UPB1: variants seen among roughly 807,000 people sequenced by gnomAD.
UPB1 encodes the protein beta-ureidopropionase 1.
UPB1 carries 40 observed loss-of-function variants against 49.1 expected under a neutral mutation model. The observed-to-expected ratio is 0.81, with a 90% confidence interval of 0.63 to 1.06. The LOEUF is 1.06. UPB1 is among the 50% of genes least tolerant of loss of function. The probability of loss-of-function intolerance (pLI) is 0.00; values close to 1 mark genes in which losing one functional copy is unlikely to be tolerated. For missense variants in UPB1, 499 were observed against 505.9 expected (o/e 0.99, Z 0.13); for synonymous variants, 207 against 198.2 (o/e 1.04, Z -0.38).
Position 24,502,061 on chromosome 22 carries a change from A to G in UPB1, c.277-65A>G, listed in dbSNP as rs2044002549. The G allele has an allele frequency of 3.2e-6, 5 of 1,543,748 alleles. No individual in the cohort carries two copies. The Admixed American group carries it at 8.3e-5, about 26-fold the overall frequency. ...CATTGATTTTTCCATATGCATTAGGATGAGATCCTAAAAATTGCCTTACCA... is the reference window on the plus strand; with the variant it reads ...CATTGATTTTTCCATATGCATTAGGGTGAGATCCTAAAAATTGCCTTACCA... On this transcript the variant is annotated intron_variant, in intron 2 of 9. Coordinates refer to ENST00000326010, the MANE Select transcript of UPB1 (RefSeq NM_016327.3).
intron 7 of UPB1, among the ~76,000 whole-genome samples, 165 bp from the exon 8 acceptor site, chr22:24,521,821 G>A (rs900099640): frequency 6.6e-6 from 1 of 152,186 alleles, no homozygotes; most frequent in Non-Finnish European, 1.5e-5. Flanking sequence ...TGTTTAATAA[G>A]CACTTAATTG....
intron 2 of UPB1, among the ~76,000 whole-genome samples, chr22:24,500,644 AC>A (rs2043979209): frequency 6.6e-6 from 1 of 152,166 alleles, no homozygotes; most frequent in Non-Finnish European, 1.5e-5. Context: ...GCTGGTTGGG[AC>A]CGTCTGTCCG....
intron 8 of UPB1, 48 bp from the exon 9 acceptor site, chr22:24,523,571 C>T: frequency 1.2e-6 from 2 of 1,612,422 alleles, no homozygotes; most frequent in Non-Finnish European, 1.7e-6. Context: ...GTGGAGCCCA[C>T]AGTGCATCTA....
intron 9 of UPB1, among the ~76,000 whole-genome samples, chr22:24,524,148 C>A (rs962937491): frequency 6.6e-6 from 1 of 152,180 alleles, no homozygotes; most frequent in African/African-American, 2.4e-5. Context: ...CTGCTTGTGG[C>A]CAGTCCCTGC....
chr22:24,528,385 A>C lies in UPB1; in HGVS notation c.*2591A>C, dbSNP rs2044497943. On this transcript the variant is annotated 3_prime_UTR_variant, in exon 10 of 10. Coordinates refer to ENST00000326010, the MANE Select transcript of UPB1 (RefSeq NM_016327.3). ...CATGCAGATGCTCAGTAAACATTTG[A>C]ATGAATCTGTGGTGGAGGTTTTTGC... is the stretch of plus-strand genomic sequence containing the variant. 6.6e-6 allele frequency: 1 copy of C among 152,266 alleles called. No individual in the cohort carries two copies. The highest frequency in any genetic ancestry group is 6.5e-5 in the Admixed American group (1 of 15,278). 9.4% of individuals were successfully genotyped at this position (152,266 alleles called of 1,614,324 possible).
intron 7 of UPB1, 99 bp downstream of exon 7, chr22:24,520,567 CG>C: frequency 7.4e-7 from 1 of 1,354,656 alleles, no homozygotes; most frequent in South Asian, 1.2e-5. Flanking sequence ...TCCTAGGGTC[CG>C]GAAAGGGGTA....
In UPB1 at chr22:24,517,050, G is replaced by A. The variant is rs188997761; in HGVS notation, c.791+1680G>A. Among the ~76,000 whole-genome samples the A allele has an allele frequency of 2.6e-3, 390 of 152,284 alleles. 2 individuals carry two copies. The highest frequency in any genetic ancestry group is 2.3e-3 in the Non-Finnish European group (154 of 68,022). ...AATTTCAGTTGAATTTCTTCTAAAC[G>A]TCAGGGTGTGACATTTACCTTTTCT... On this transcript the variant is annotated intron_variant, in intron 6 of 9. Transcript: ENST00000326010.
At chr22:24,502,468 C>G (rs573176249) in intron 3 of UPB1, 8 of 780,948 alleles carry the variant, frequency 1.0e-5, no homozygotes, top group African/African-American at 1.0e-4. Flanking sequence ...CCACCTGGTC[C>G]AAGCCCCTGG....
At chr22:24,517,453 C>T (rs1181484111) in intron 6 of UPB1, among the ~76,000 whole-genome samples, 1 of 152,238 alleles carries the variant, frequency 6.6e-6, no homozygotes, top group African/African-American at 2.4e-5. Context: ...CAAGCTCCAT[C>T]TTCCCACTGG....
At position 24,504,904 on chromosome 22, in the gene UPB1, ATTTTTTT is replaced by A. The variant is rs56198043; in HGVS notation, c.364+2706_364+2712del. Among the ~76,000 whole-genome samples the A allele has an allele frequency of 8.5e-3, 926 of 109,388 alleles. 11 individuals are homozygous for A. The highest frequency in any genetic ancestry group is 0.029 in the African/African-American group (834 of 28,820). 71.8% of individuals were successfully genotyped at this position (109,388 alleles called of 152,430 possible). On this transcript the variant is annotated intron_variant, in intron 3 of 9. Transcript: ENST00000326010. ...CACCACACCTGGCTAATTTTCTTGA[ATTTTTTT>A]TTTTTTTTTTTTTTGTAAAGATGAG...
At chr22:24,502,574 C>A (rs752980633) in intron 3 of UPB1, 33 of 768,480 alleles carry the variant, frequency 4.3e-5, no homozygotes, top group Admixed American at 1.1e-4. Flanking sequence ...CAGAGCCAGC[C>A]CCCCCATCTA....
chr22:24,500,426 C>A, intron 2 of UPB1, 148 bp downstream of exon 2: 1 of 959,200 alleles, frequency 1.0e-6, no homozygotes, highest in Non-Finnish European at 1.6e-6. Flanking sequence ...CCCTGGCCTC[C>A]CCACATCCCT....
At chr22:24,497,388 C>T (rs1368917137) in intron 1 of UPB1, among the ~76,000 whole-genome samples, 2 of 152,248 alleles carry the variant, frequency 1.3e-5, no homozygotes, top group Middle Eastern at 3.4e-3. Context: ...TGTAACAGAG[C>T]TCTAGTTTAA....
intron 2 of UPB1, among the ~76,000 whole-genome samples, 158 bp from the exon 3 acceptor site, chr22:24,501,968 T>G (rs1222828807): frequency 1.3e-5 from 2 of 152,188 alleles, no homozygotes; most frequent in Admixed American, 6.5e-5. Context: ...TTCATGCAGA[T>G]TTTGGACATC....
At chr22:24,515,413 C>A (rs1365016477) in intron 6 of UPB1, 43 bp downstream of exon 6, 18 of 1,613,334 alleles carry the variant, frequency 1.1e-5, no homozygotes, top group Admixed American at 1.7e-5. Flanking sequence ...TGGGGCCCAG[C>A]CAGCTAAAGC....
chr22:24,515,077 G>A (rs1282877010), intron 5 of UPB1, 124 bp from the exon 6 acceptor site: 1 of 1,264,992 alleles, frequency 7.9e-7, no homozygotes, highest in Non-Finnish European at 1.1e-6. Flanking sequence ...TGAAATTCTG[G>A]AACTTAGAGT....
chr22:24,501,550 A>AT (rs2043994779), intron 2 of UPB1, among the ~76,000 whole-genome samples: 1 of 152,242 alleles, frequency 6.6e-6, no homozygotes, highest in Non-Finnish European at 1.5e-5. Flanking sequence ...GAGAGCCTGC[A>AT]GAGGCCCACA....
chr22:24,525,674 C>T, intron 9 of UPB1, 37 bp from the exon 10 acceptor site: 2 of 1,613,428 alleles, frequency 1.2e-6, no homozygotes, highest in Non-Finnish European at 1.7e-6. Flanking sequence ...ATTTATAAAA[C>T]CAGAACCTCT....
chr22:24,520,419 CA>C lies in UPB1; in HGVS notation c.825del (p.Ala276ProfsTer63). 1 of 1,614,192 alleles carries C rather than the reference CA, an allele frequency of 6.2e-7. No individual in the cohort carries two copies. Among genetic ancestry groups the C allele is most frequent in the Non-Finnish European group, 8.5e-7 (1 of 1,180,036 alleles). On this transcript the variant is annotated frameshift_variant, in exon 7 of 10. Coordinates refer to ENST00000326010, the MANE Select transcript of UPB1 (RefSeq NM_016327.3). LOFTEE classifies it high-confidence loss of function. ...CTGTGGCCCATCGAGGCCAGAAACG[CA>C]GCCATTGCCAATCACTGCTTCACCT... is the stretch of plus-strand genomic sequence containing the variant. ...ESLWPIEARN[A>X]AIANHCFTCA...
Sources: allele counts gnomAD v4.1 joint callset (sites outside exome capture counted in the v4.1 genomes callset), GRCh38; gene constraint gnomAD v4.1.1; transcripts MANE v1.5; gene names NCBI Gene and HGNC (gene_info 2026-07-23, HGNC 2026-07-21).